FMC1: variants seen among roughly 807,000 people sequenced by gnomAD.
The protein encoded by FMC1 is formation of mitochondrial complex V assembly factor 1, also known as protein FMC1 homolog.
In FMC1, 6 loss-of-function variants were observed where a neutral mutation model predicts 10.5. That is an observed-to-expected ratio of 0.57 (90% confidence interval 0.31 to 1.12). The LOEUF (loss-of-function observed/expected upper bound fraction) is 1.12. Ranked by LOEUF, FMC1 falls within the 50% of genes most tolerant of loss-of-function variation. The pLI, the probability that FMC1 is intolerant of heterozygous loss-of-function variation, is 0.05. For synonymous variants in FMC1, 59 were observed against 62.1 expected (o/e 0.95, Z 0.24); for missense variants, 146 against 151.7 (o/e 0.96, Z 0.20).
chr7:139,340,678 T>C (rs1798893251), upstream of FMC1: 2 of 394,644 alleles, frequency 5.1e-6, no homozygotes, highest in African/African-American at 2.1e-5. Flanking sequence ...GAATATGTTG[T>C]GTGAGCGCGT....
chr7:139,340,641 G>A (rs981505769), upstream of FMC1: 27 of 396,518 alleles, frequency 6.8e-5, no homozygotes, highest in African/African-American at 5.4e-4. Context: ...ATGAAGTGAC[G>A]ATGACGTACC....
chr7:139,340,562 C>T (rs1798884293), upstream of FMC1: 3 of 397,994 alleles, frequency 7.5e-6, no homozygotes, highest in Non-Finnish European at 1.3e-5. Flanking sequence ...TCTCTAACTA[C>T]AACTCCCAGC....
At chr7:139,342,512 TG>T (rs1483317094) in intron 1 of FMC1, among the ~76,000 whole-genome samples, 2 of 152,052 alleles carry the variant, frequency 1.3e-5, no homozygotes, top group African/African-American at 4.8e-5. Context: ...TAAACTTTAT[TG>T]TAAGTGTAAT....
In FMC1 at chr7:139,341,535, T is replaced by C. The variant is rs748958951; in HGVS notation, c.138+13T>C. Reference sequence around the variant, plus strand: ...CCGTGCACATCGGGTACGGGAGCCATGTCCCGGGTGCTCTACGTGCTGGGG... The same window carrying C: ...CCGTGCACATCGGGTACGGGAGCCACGTCCCGGGTGCTCTACGTGCTGGGG... On this transcript the variant is annotated intron_variant, in intron 1 of 1. Coordinates refer to ENST00000297534, the MANE Select transcript of FMC1 (RefSeq NM_197964.5). The C allele has an allele frequency of 6.2e-7, 1 of 1,608,746 alleles. No homozygotes were observed. The highest frequency in any genetic ancestry group is 1.7e-5 in the Admixed American group (1 of 59,900).
intron 1 of FMC1, among the ~76,000 whole-genome samples, chr7:139,342,970 C>G (rs1391513744): frequency 6.6e-6 from 1 of 152,198 alleles, no homozygotes; most frequent in African/African-American, 2.4e-5. Flanking sequence ...TTTCTCTATC[C>G]TTTCCCTCCG....
At chr7:139,343,012 C>G (rs1338626245) in intron 1 of FMC1, among the ~76,000 whole-genome samples, 2 of 152,196 alleles carry the variant, frequency 1.3e-5, no homozygotes, top group African/African-American at 4.8e-5. Context: ...GAAACCTACC[C>G]TTTCTCCACA....
In FMC1 at chr7:139,346,257, A is replaced by AT. The variant is rs10692507; in HGVS notation, c.*555dup. On this transcript the variant is annotated 3_prime_UTR_variant, in exon 2 of 2. Coordinates refer to ENST00000297534, the MANE Select transcript of FMC1 (RefSeq NM_197964.5). ...ACTCTGTCTCAAAAAAAAAAAAAAA[A>AT]TTAGTATAAGCCTTTTGTTTAAGGA... 1 of 151,920 alleles carries AT rather than the reference A, an allele frequency of 6.6e-6. No homozygotes were observed. The highest frequency in any genetic ancestry group is 1.5e-5 in the Non-Finnish European group (1 of 68,146). 9.4% of individuals were successfully genotyped at this position (151,920 alleles called of 1,614,324 possible). A position where few individuals can be genotyped will look rare whatever the true frequency, so the allele number is the denominator to read the frequency against.
In FMC1 at chr7:139,346,066, C is replaced by T. The variant is rs988773926; in HGVS notation, c.*362C>T. ...CAGCCTGACCAACATGGAAAAACCC[C>T]GTCTCTACTAAAAATACAAAATTAG... On this transcript the variant is annotated 3_prime_UTR_variant, in exon 2 of 2. Transcript: ENST00000297534. 1.1e-4 allele frequency: 18 copies of T among 159,930 alleles called. No homozygotes were observed. Among genetic ancestry groups the T allele is most frequent in the Non-Finnish European group, 1.8e-4 (13 of 73,316 alleles). The allele number at this position is 159,930 out of a possible 1,614,324, so 9.9% of individuals were successfully genotyped here.
rs747516841 is a variant in FMC1 at position 139,345,640 on chromosome 7, A to C, written c.278A>C (p.Glu93Ala). ...FHGKGERSVE[E>A]SAGLVGLKLP... ...GGCAAGGGTGAGCGCTCGGTGGAGG[A>C]GTCTGCTGGCTTGGTGGGTCTCAAG... Residue 93 changes from glutamate (E) to alanine (A), a missense_variant, in exon 2 of 2, where the codon GAG (glutamate) becomes GCG (alanine). Transcript: ENST00000297534. 1 of 1,614,086 alleles carries C rather than the reference A, an allele frequency of 6.2e-7. No individual in the cohort carries two copies. The highest frequency in any genetic ancestry group is 1.1e-5 in the South Asian group (1 of 91,074).
Position 139,345,613 on chromosome 7 carries a change from A to G in FMC1, c.251A>G (p.His84Arg). ...CATGTGGCCCTACATCAGGAATTTC[A>G]TGGCAAGGGTGAGCGCTCGGTGGAG... ...RKHVALHQEF[H>R]GKGERSVEES... Residue 84 changes from histidine (H) to arginine (R), a missense_variant, in exon 2 of 2, where the codon CAT (histidine) becomes CGT (arginine). By Grantham distance (29) the His-to-Arg change is conservative. Coordinates refer to ENST00000297534, the MANE Select transcript of FMC1 (RefSeq NM_197964.5). 1.2e-6 allele frequency: 2 copies of G among 1,614,092 alleles called. No homozygotes were observed. Among genetic ancestry groups the G allele is most frequent in the Non-Finnish European group, 1.7e-6 (2 of 1,180,024 alleles).
chr7:139,340,654 A>C (rs1278764799), upstream of FMC1: 2 of 396,060 alleles, frequency 5.0e-6, no homozygotes, highest in Non-Finnish European at 8.9e-6. Context: ...GACGTACCAA[A>C]GAGGAAAATA....
At chr7:139,340,658 G>A (rs1047263654), upstream of FMC1, 11 of 395,832 alleles carry the variant, frequency 2.8e-5, no homozygotes, top group Non-Finnish European at 4.4e-5. Context: ...TACCAAAGAG[G>A]AAAATAGTTG....
intron 1 of FMC1, among the ~76,000 whole-genome samples, chr7:139,343,155 A>G (rs1229940093): frequency 1.3e-5 from 2 of 152,192 alleles, no homozygotes; most frequent in African/African-American, 2.4e-5. Flanking sequence ...ATTCTATCCT[A>G]CATTAACCTA....
chr7:139,341,591 G>A lies in FMC1; in HGVS notation c.138+69G>A, dbSNP rs913537995. The A allele has an allele frequency of 1.9e-6, 3 of 1,565,424 alleles. No individual in the cohort carries two copies. The African/African-American group carries it at 4.1e-5, about 21-fold the overall frequency. ...GGAAGAGCCGGGTCTGGGCTAGGGTGGGGAGCACGGTGTTTAATTCCTGCA... is the reference window on the plus strand; with the variant it reads ...GGAAGAGCCGGGTCTGGGCTAGGGTAGGGAGCACGGTGTTTAATTCCTGCA... On this transcript the variant is annotated intron_variant, in intron 1 of 1. Transcript: ENST00000297534.
rs750210082 is a variant in FMC1 at position 139,345,720 on chromosome 7, T to C, written c.*16T>C. 1.2e-6 allele frequency: 2 copies of C among 1,611,118 alleles called. No homozygotes were observed. The highest frequency in any genetic ancestry group is 1.1e-5 in the South Asian group (1 of 90,806). On this transcript the variant is annotated 3_prime_UTR_variant, in exon 2 of 2. Coordinates refer to ENST00000297534, the MANE Select transcript of FMC1 (RefSeq NM_197964.5). ...GGAGCCATGAACATGGAGAATATCC[T>C]TGGATGCTGCATTCATAGGAGAATT...
At position 139,341,462 on chromosome 7, in the gene FMC1, C is replaced by T; in HGVS notation, c.78C>T (p.Gly26=). 6.2e-7 allele frequency: 1 copy of T among 1,613,690 alleles called. No individual in the cohort carries two copies. Among genetic ancestry groups the T allele is most frequent in the African/African-American group, 1.3e-5 (1 of 75,064 alleles). The change falls in exon 1 of 2, where the codon GGC becomes GGT. Residue 26 remains glycine (G), a synonymous_variant. Coordinates refer to ENST00000297534, the MANE Select transcript of FMC1 (RefSeq NM_197964.5). ...RELRYLSAAT[G]RPYRDTAAYR... is the part of the protein sequence containing the mutation. ...TGCGCTACCTGAGCGCGGCCACCGG[C>T]CGACCCTATCGCGACACCGCGGCCT...
At chr7:139,344,255 C>T (rs1052363959) in intron 1 of FMC1, among the ~76,000 whole-genome samples, 3 of 152,108 alleles carry the variant, frequency 2.0e-5, no homozygotes, top group African/African-American at 4.8e-5. Context: ...ATAGCCATTC[C>T]TCAGTAACTG....
At chr7:139,343,356 A>C (rs4732367) in intron 1 of FMC1, among the ~76,000 whole-genome samples, 59,374 of 152,216 alleles carry the variant, frequency 0.39, 16,230 homozygotes, top group African/African-American at 0.78. Context: ...TGATCTGCAG[A>C]TCCTAAAACC....
chr7:139,344,899 G>T, intron 1 of FMC1: 1 of 145,934 alleles, frequency 6.9e-6, no homozygotes, highest in African/African-American at 2.6e-5. Flanking sequence ...ATTTTTAGCA[G>T]AGACAGGGTT....
Sources: gnomAD v4.1 joint callset for allele counts (sites outside exome capture counted in the v4.1 genomes callset) on GRCh38, gnomAD v4.1.1 for gene constraint, MANE v1.5 for transcripts, NCBI Gene and HGNC (gene_info 2026-07-23, HGNC 2026-07-21) for gene names.